MACROD2: variants seen among roughly 807,000 people sequenced by gnomAD.
MACROD2 encodes ADP-ribose glycohydrolase MACROD2.
MACROD2 carries 36 observed loss-of-function variants against 70.4 expected under a neutral mutation model. The ratio of observed to expected loss-of-function variants is 0.51; its 90% CI spans 0.39 to 0.68. The LOEUF (loss-of-function observed/expected upper bound fraction) is 0.68, where lower values mean the gene tolerates loss of function less well. Ranked by LOEUF, MACROD2 falls within the 30% of genes least tolerant of loss-of-function variation. The pLI is 0.00. For missense variants in MACROD2, 496 were observed against 538.4 expected, an observed-to-expected ratio of 0.92 and a Z score of 0.78; for synonymous variants, 172 against 178.8, an observed-to-expected ratio of 0.96 and a Z score of 0.30.
intron 6 of MACROD2, among the ~76,000 whole-genome samples, chr20:15,428,544 A>C (rs1023146247): frequency 2.0e-5 from 3 of 152,198 alleles, no homozygotes; most frequent in African/African-American, 7.2e-5. Context: ...AGTTGAGGTC[A>C]CTGGAAATCT....
chr20:14,336,269 TG>T (rs2082934630), intron 3 of MACROD2, among the ~76,000 whole-genome samples: 1 of 152,046 alleles, frequency 6.6e-6, no homozygotes, highest in Non-Finnish European at 1.5e-5. Flanking sequence ...TTATTAAGAA[TG>T]TTTAAAATAG....
intron 3 of MACROD2, among the ~76,000 whole-genome samples, chr20:14,101,429 T>G (rs973600222): frequency 3.3e-5 from 5 of 152,052 alleles, no homozygotes; most frequent in Admixed American, 3.3e-4. Flanking sequence ...TTAATAAATA[T>G]AAAATTATAA....
chr20:15,043,604 T>C (rs1354861585), intron 5 of MACROD2, among the ~76,000 whole-genome samples: 1 of 152,194 alleles, frequency 6.6e-6, no homozygotes, highest in Non-Finnish European at 1.5e-5. Flanking sequence ...TTCCCTTTTC[T>C]CTTTCCCCCA....
chr20:15,105,170 C>G (rs1450976970), intron 5 of MACROD2, among the ~76,000 whole-genome samples: 1 of 152,112 alleles, frequency 6.6e-6, no homozygotes, highest in Non-Finnish European at 1.5e-5. Flanking sequence ...CTAGGTGCAG[C>G]TGGATGCAGG....
intron 5 of MACROD2, among the ~76,000 whole-genome samples, chr20:15,066,932 A>T (rs76252815): frequency 0.028 from 4,215 of 152,170 alleles, 105 homozygotes; most frequent in Non-Finnish European, 0.042. Flanking sequence ...CTCTTATTTA[A>T]ATCTAAGTTT....
At chr20:14,148,278 C>T (rs1569179874) in intron 3 of MACROD2, among the ~76,000 whole-genome samples, 1 of 152,002 alleles carries the variant, frequency 6.6e-6, no homozygotes, top group Non-Finnish European at 1.5e-5. Flanking sequence ...ATATTCAGGA[C>T]GTATGTTTGG....
At chr20:15,767,956 C>G (rs1038172174) in intron 8 of MACROD2, among the ~76,000 whole-genome samples, 1 of 151,666 alleles carries the variant, frequency 6.6e-6, no homozygotes, top group Non-Finnish European at 1.5e-5. Context: ...AAACCTGAAA[C>G]ATTTTTTCTT....
In MACROD2 at chr20:15,171,976, A is replaced by T. The variant is rs184928610; in HGVS notation, c.419-57964A>T. Among the ~76,000 whole-genome samples the T allele has an allele frequency of 2.0e-5, 3 of 152,364 alleles. No individual in the cohort carries two copies. The East Asian group carries it at 5.8e-4, about 29-fold the overall frequency. On this transcript the variant is annotated intron_variant, in intron 5 of 17. Transcript: ENST00000684519. ...TGAATAAATAAATGAGTGAATGAATAAAAAATGAATGAATGAATACAGTCA... is the reference window on the plus strand; with the variant it reads ...TGAATAAATAAATGAGTGAATGAATTAAAAATGAATGAATGAATACAGTCA...
intron 7 of MACROD2, among the ~76,000 whole-genome samples, chr20:15,460,672 G>A (rs1481164452): frequency 6.6e-6 from 1 of 152,026 alleles, no homozygotes; most frequent in Non-Finnish European, 1.5e-5. Context: ...CAAAACCTAT[G>A]TAAACAATTC....
intron 3 of MACROD2, among the ~76,000 whole-genome samples, chr20:14,429,423 A>G (rs1214090914): frequency 6.6e-6 from 1 of 152,198 alleles, no homozygotes; most frequent in Non-Finnish European, 1.5e-5. Context: ...AACCATATTC[A>G]GTATCTCCAC....
At chr20:14,254,242 C>T (rs2082035499) in intron 3 of MACROD2, among the ~76,000 whole-genome samples, 1 of 151,806 alleles carries the variant, frequency 6.6e-6, no homozygotes, top group South Asian at 2.1e-4. Context: ...TTTCCATTGT[C>T]CTAATTCTCT....
intron 9 of MACROD2, among the ~76,000 whole-genome samples, chr20:15,873,760 G>C (rs1428121213): frequency 6.6e-6 from 1 of 151,982 alleles, no homozygotes; most frequent in Non-Finnish European, 1.5e-5. Flanking sequence ...AAAATAGAAA[G>C]AAAAGAAGAA....
chr20:15,667,503 C>CTATCTATG (rs1188170480), intron 8 of MACROD2, among the ~76,000 whole-genome samples: 66 of 133,694 alleles, frequency 4.9e-4, no homozygotes, highest in African/African-American at 1.5e-3. Flanking sequence ...ATCTATGTAT[C>CTATCTATG]TATCTATCTA....
intron 2 of MACROD2, among the ~76,000 whole-genome samples, chr20:14,051,611 G>T (rs2053568038): frequency 6.6e-6 from 1 of 151,982 alleles, no homozygotes; most frequent in Admixed American, 6.6e-5. Flanking sequence ...TCTAGGTATT[G>T]GTTTACTAAT....
chr20:16,010,614 G>A (rs777603575), intron 15 of MACROD2, among the ~76,000 whole-genome samples: 18 of 152,106 alleles, frequency 1.2e-4, no homozygotes, highest in Non-Finnish European at 5.9e-5. Context: ...GTTCAGCCAC[G>A]AGGTTTCTGA....
intron 15 of MACROD2, among the ~76,000 whole-genome samples, chr20:16,036,449 C>T (rs1450538034): frequency 6.6e-6 from 1 of 151,954 alleles, no homozygotes; most frequent in African/African-American, 2.4e-5. Flanking sequence ...TTGAGCAGTA[C>T]AGTTGCAGTT....
At chr20:14,831,489 GCAA>G (rs536308690) in intron 5 of MACROD2, among the ~76,000 whole-genome samples, 121 of 151,950 alleles carry the variant, frequency 8.0e-4, no homozygotes, top group Non-Finnish European at 1.4e-3. Flanking sequence ...TAAAAAAAGA[GCAA>G]CAACAGCCGG....
At chr20:14,547,423 G>T (rs1000375317) in intron 4 of MACROD2, 1 of 220,398 alleles carries the variant, frequency 4.5e-6, no homozygotes, top group Admixed American at 4.4e-5. Context: ...GGCAGATGTT[G>T]TATAAGGCTT....
chr20:15,085,089 T>C (rs529769588), intron 5 of MACROD2, among the ~76,000 whole-genome samples: 3 of 152,150 alleles, frequency 2.0e-5, no homozygotes, highest in Non-Finnish European at 4.4e-5. Context: ...TGAGACTCCC[T>C]GAGTAAATCC....
Sources: gnomAD v4.1 joint callset for allele counts (sites outside exome capture counted in the v4.1 genomes callset) on GRCh38, gnomAD v4.1.1 for gene constraint, MANE v1.5 for transcripts, NCBI Gene and HGNC (gene_info 2026-07-23, HGNC 2026-07-21) for gene names.